HHIPL2: variants seen among roughly 807,000 people sequenced by gnomAD.
HHIPL2 encodes HHIP-like protein 2.
HHIPL2 carries 61 observed loss-of-function variants against 61.0 expected under a neutral mutation model. The observed-to-expected ratio is 1.00, with a 90% CI of 0.81 to 1.24. The LOEUF (loss-of-function observed/expected upper bound fraction) is 1.24, where lower values mean the gene tolerates loss of function less well. Among genes scored for constraint, HHIPL2 ranks in the 50% most tolerant of loss-of-function variants. HHIPL2 has a pLI of 0.00. For synonymous variants in HHIPL2, 343 were observed against 357.4 expected (o/e 0.96, Z 0.45); for missense variants, 885 against 910.2 (o/e 0.97, Z 0.36).
chr1:222,538,633 T>G lies in HHIPL2; in HGVS notation c.1577+15A>C. The stretch of plus-strand genomic sequence containing the variant: ...AAAATAAAAAGAGGGAGAAGGGACA[T>G]CAGTCCTTCCTTACCCACTCATGAA... On this transcript the variant is annotated intron_variant, in intron 5 of 8. Transcript: ENST00000343410. 3 of 1,609,372 alleles carry G rather than the reference T, an allele frequency of 1.9e-6. No homozygotes were observed. The highest frequency in any genetic ancestry group is 2.5e-6 in the Non-Finnish European group (3 of 1,176,728).
Position 222,544,133 on chromosome 1 carries a change from G to A in HHIPL2, c.378C>T (p.Leu126=). Residue 126 remains leucine, a synonymous_variant, in exon 2 of 9, where the codon CTC becomes CTT. Transcript: ENST00000343410. ...CAGAGCAGAGGCCCGGGAGATTCCG[G>A]AGAGGCGTCTGGGTGTTTTCGGCGT... is the stretch of plus-strand genomic sequence containing the variant. ...LYDAENTQTP[L]RNLPGLCSDY... The A allele has an allele frequency of 6.2e-7, 1 of 1,613,964 alleles. No individual in the cohort carries two copies.
chr1:222,525,404 C>T (rs142999410), intron 7 of HHIPL2, among the ~76,000 whole-genome samples: 37 of 152,250 alleles, frequency 2.4e-4, no homozygotes, highest in African/African-American at 8.7e-4. Context: ...AAATTCACCC[C>T]TTGGCTATCC....
At chr1:222,538,244 G>GTGTGTA (rs1553270692) in intron 5 of HHIPL2, among the ~76,000 whole-genome samples, 22 of 148,690 alleles carry the variant, frequency 1.5e-4, no homozygotes, top group Non-Finnish European at 2.4e-4. Flanking sequence ...GTGTGTGTGT[G>GTGTGTA]TGTGTATGTA....
At chr1:222,531,928 T>C (rs4846373) in intron 6 of HHIPL2, 38 bp downstream of exon 6, 627,660 of 1,550,696 alleles carry the variant, frequency 0.4, 135,533 homozygotes, top group African/African-American at 0.7. Context: ...ATCCGAGTTC[T>C]AGTAAGCAGA....
intron 7 of HHIPL2, 122 bp from the exon 8 acceptor site, chr1:222,523,816 G>A (rs1659006299): frequency 2.4e-6 from 2 of 833,852 alleles, no homozygotes; most frequent in South Asian, 3.0e-5. Flanking sequence ...CCATGGGGAT[G>A]GGGTAGATGT....
At position 222,526,972 on chromosome 1, in the gene HHIPL2, G is replaced by C. The variant is rs1478956993; in HGVS notation, c.1802C>G (p.Ser601Ter). Reference protein sequence around the residue: ...RGSIYKFVDPSRRAPPGKCKY... With the variant: ...RGSIYKFVDP ...AGAAAATGACATCAAATCTCACCTT[G>C]AGGGGTCAACAAACTTGTAAATAGA... Residue 601 changes from serine to a stop codon, truncating the protein, a stop_gained, in exon 7 of 9, where the codon TCA (serine) becomes TGA (stop). Transcript: ENST00000343410. LOFTEE classifies it high-confidence loss of function. The C allele has an allele frequency of 1.2e-6, 2 of 1,611,962 alleles. No individual in the cohort carries two copies. Among genetic ancestry groups the C allele is most frequent in the African/African-American group, 1.3e-5 (1 of 75,030 alleles).
chr1:222,546,345 G>A (rs1163755144), intron 1 of HHIPL2, among the ~76,000 whole-genome samples: 1 of 152,134 alleles, frequency 6.6e-6, no homozygotes, highest in Non-Finnish European at 1.5e-5. Flanking sequence ...CTAAACTCTT[G>A]AGCCCTCATC....
chr1:222,540,982 A>G (rs1659420133), intron 3 of HHIPL2, among the ~76,000 whole-genome samples: 1 of 152,176 alleles, frequency 6.6e-6, no homozygotes, highest in South Asian at 2.1e-4. Flanking sequence ...CATGCCTGTA[A>G]TCCCACATTT....
intron 6 of HHIPL2, among the ~76,000 whole-genome samples, chr1:222,530,437 T>C (rs755142143): frequency 1.3e-5 from 2 of 152,240 alleles, no homozygotes; most frequent in African/African-American, 4.8e-5. Flanking sequence ...CTGTGGTTTC[T>C]CTCCTTTTTC....
At chr1:222,537,939 T>G (rs1212758662) in intron 5 of HHIPL2, among the ~76,000 whole-genome samples, 1 of 152,174 alleles carries the variant, frequency 6.6e-6, no homozygotes, top group Non-Finnish European at 1.5e-5. Context: ...ATTTCATAAC[T>G]GGGAATAGCC....
intron 1 of HHIPL2, 106 bp from the exon 2 acceptor site, chr1:222,544,295 T>A (rs981567958): frequency 6.0e-5 from 79 of 1,313,878 alleles, no homozygotes; most frequent in Non-Finnish European, 1.9e-5. Context: ...GCGGAAAAAA[T>A]CAGGATTTTG....
chr1:222,531,444 G>A (rs371348059), intron 6 of HHIPL2, among the ~76,000 whole-genome samples: 1 of 152,168 alleles, frequency 6.6e-6, no homozygotes, highest in African/African-American at 2.4e-5. Flanking sequence ...TTGGTGAAAC[G>A]AGCATTATAA....
At chr1:222,540,991 T>G (rs1255150972) in intron 3 of HHIPL2, among the ~76,000 whole-genome samples, 6 of 152,154 alleles carry the variant, frequency 3.9e-5, no homozygotes, top group Non-Finnish European at 8.8e-5. Flanking sequence ...AATCCCACAT[T>G]TTGGGAGGCT....
intron 1 of HHIPL2, among the ~76,000 whole-genome samples, chr1:222,546,415 G>A (rs569546357): frequency 5.3e-5 from 8 of 152,170 alleles, no homozygotes; most frequent in South Asian, 2.1e-4. Context: ...CACTACATAC[G>A]TTGGGGAAGA....
chr1:222,533,798 C>G (rs1659241783), intron 5 of HHIPL2, among the ~76,000 whole-genome samples: 1 of 152,142 alleles, frequency 6.6e-6, no homozygotes, highest in African/African-American at 2.4e-5. Context: ...AGGCAAAGCC[C>G]AGCAGGCTCC....
At chr1:222,531,450 T>C (rs1455947026) in intron 6 of HHIPL2, among the ~76,000 whole-genome samples, 1 of 152,192 alleles carries the variant, frequency 6.6e-6, no homozygotes, top group Non-Finnish European at 1.5e-5. Context: ...AAACGAGCAT[T>C]ATAATTACAT....
intron 5 of HHIPL2, among the ~76,000 whole-genome samples, chr1:222,533,020 A>C (rs984734333): frequency 6.6e-6 from 1 of 152,206 alleles, no homozygotes; most frequent in African/African-American, 2.4e-5. Flanking sequence ...AGTTTTATGG[A>C]AACAGAGATC....
intron 5 of HHIPL2, among the ~76,000 whole-genome samples, chr1:222,538,195 G>GGGGTGTGTGTGTGTGTGT (rs1356240657): frequency 7.3e-6 from 1 of 136,274 alleles, no homozygotes; most frequent in African/African-American, 2.7e-5. Flanking sequence ...CTCTGGCTGG[G>GGGGTGTGTGTGTGTGTGT]GTGTGTGTGT....
chr1:222,547,887 T>C lies in HHIPL2; in HGVS notation c.158A>G (p.Gln53Arg). 1 of 1,613,978 alleles carries C rather than the reference T, an allele frequency of 6.2e-7. No homozygotes were observed. The highest frequency in any genetic ancestry group is 8.5e-7 in the Non-Finnish European group (1 of 1,179,950). The stretch of plus-strand genomic sequence containing the variant: ...GCAAAACTCAAGGTGCAGAGGGGGC[T>C]GGAAAGGGGGCCCGTAATCCAGGCA... The part of the protein sequence containing the change: ...PQCLDYGPPF[Q>R]PPLHLEFCSD... The change falls in exon 1 of 9, where the codon CAG becomes CGG. Residue 53 changes from glutamine to arginine, a missense_variant. Transcript: ENST00000343410.
Sources: allele counts gnomAD v4.1 joint callset (sites outside exome capture counted in the v4.1 genomes callset), GRCh38; gene constraint gnomAD v4.1.1; transcripts MANE v1.5; gene names NCBI Gene and HGNC (gene_info 2026-07-23, HGNC 2026-07-21).